CNOT3: variants seen among roughly 807,000 people sequenced by gnomAD.
CNOT3 encodes the protein CCR4-associated factor 3.
CNOT3 carries 2 observed loss-of-function variants against 89.4 expected under a neutral mutation model. The ratio of observed to expected loss-of-function variants is 0.02; its 90% CI spans 0.01 to 0.07. CNOT3 has a LOEUF of 0.07. Among genes scored for constraint, CNOT3 ranks in the 10% least tolerant of loss-of-function variants. CNOT3 has a pLI of 1.00. For synonymous variants in CNOT3, 486 were observed against 402.0 expected, an observed-to-expected ratio of 1.21 and a Z score of -2.50; for missense variants, 664 against 1,010.2, an observed-to-expected ratio of 0.66 and a Z score of 4.65.
chr19:54,143,654 C>G lies in CNOT3; in HGVS notation c.169-6C>G, dbSNP rs778034331. The G allele has an allele frequency of 9.9e-6, 16 of 1,613,668 alleles. No homozygotes were observed. In the South Asian group the frequency reaches 1.6e-4, roughly 17 times the overall value. On this transcript the variant is annotated splice_region_variant and splice_polypyrimidine_tract_variant and intron_variant, in intron 4 of 17. Coordinates refer to ENST00000221232, the MANE Select transcript of CNOT3 (RefSeq NM_014516.4). The stretch of plus-strand genomic sequence containing the variant: ...GGTCTGACTTTCTTGCTTTTCCCAT[C>G]TGCAGCGGCTGAGGGACCAAATCAA...
intron 1 of CNOT3, among the ~76,000 whole-genome samples, chr19:54,140,015 T>C (rs1275143808): frequency 6.6e-6 from 1 of 152,144 alleles, no homozygotes; most frequent in Non-Finnish European, 1.5e-5. Context: ...GCGGAAGCTC[T>C]CCCAGATCAA....
intron 17 of CNOT3, 86 bp downstream of exon 17, chr19:54,153,926 C>T: frequency 6.4e-7 from 1 of 1,551,780 alleles, no homozygotes; most frequent in Non-Finnish European, 8.9e-7. Context: ...CCTCTGCTCC[C>T]TTGCCTCCAC....
At chr19:54,142,795 G>T (rs1451299604) in intron 1 of CNOT3, 134 bp from the exon 2 acceptor site, 4 of 653,338 alleles carry the variant, frequency 6.1e-6, no homozygotes, top group African/African-American at 5.4e-5. Context: ...AACTGGGGCT[G>T]GTCTCTTGTC....
Position 54,155,640 on chromosome 19 carries a change from T to A in CNOT3, c.*233T>A, listed in dbSNP as rs2075363187. On this transcript the variant is annotated 3_prime_UTR_variant, in exon 18 of 18. Coordinates refer to ENST00000221232, the MANE Select transcript of CNOT3 (RefSeq NM_014516.4). The stretch of plus-strand genomic sequence containing the variant: ...GAGGGACATTTTTTGGTAAACCTAT[T>A]TTCATTTTGGAAAATATTTATGAAT... 3 of 1,375,666 alleles carry A rather than the reference T, an allele frequency of 2.2e-6. No homozygotes were observed. The allele number at this position is 1,375,666 out of a possible 1,614,324, so 85.2% of individuals were successfully genotyped here. A position where few individuals can be genotyped will look rare whatever the true frequency, so the allele number is the denominator to read the frequency against.
In CNOT3 at chr19:54,146,454, A is replaced by G. The variant is rs587653373; in HGVS notation, c.838-147A>G. On this transcript the variant is annotated intron_variant, in intron 9 of 17. Coordinates refer to ENST00000221232, the MANE Select transcript of CNOT3 (RefSeq NM_014516.4). ...GAGCCTGAATTGAGATGGTTTCTCC[A>G]GGCAGATTAAGGACAGCCATTTGAC... 2.7e-5 allele frequency: 19 copies of G among 692,500 alleles called. No individual in the cohort carries two copies. In the African/African-American group the frequency reaches 2.8e-4, roughly 10 times the overall value. 42.9% of individuals were successfully genotyped at this position (692,500 alleles called of 1,614,324 possible). A position where few individuals can be genotyped will look rare whatever the true frequency, so the allele number is the denominator to read the frequency against.
intron 12 of CNOT3, 26 bp from the exon 13 acceptor site, chr19:54,149,534 C>T (rs373336205): frequency 3.4e-6 from 5 of 1,485,382 alleles, no homozygotes; most frequent in African/African-American, 2.8e-5. Flanking sequence ...CTCCTCTCAA[C>T]CCCCTCTTCC....
At position 54,145,644 on chromosome 19, in the gene CNOT3, G is replaced by A. The variant is rs2074634785; in HGVS notation, c.530G>A (p.Arg177His). The A allele has an allele frequency of 1.2e-6, 2 of 1,613,836 alleles. No individual in the cohort carries two copies. The highest frequency in any genetic ancestry group is 1.7e-6 in the Non-Finnish European group (2 of 1,179,840). The part of the protein sequence containing the change: ...EGLKRHIEKH[R>H]YHVRMLETIL... ...TTGAAGCGGCACATCGAGAAGCACCGCTACCACGTGCGCATGCTAGAGACC... is the reference window on the plus strand; with the variant it reads ...TTGAAGCGGCACATCGAGAAGCACCACTACCACGTGCGCATGCTAGAGACC... The change falls in exon 8 of 18, where the codon CGC becomes CAC. Residue 177 changes from arginine to histidine, a missense_variant. This residue lies in a region of CNOT3 where 37 missense variants were observed against 79.5 expected (regional missense o/e 0.47). Transcript: ENST00000221232. The surrounding 1 kb of genome is among the most constrained non-coding windows in gnomAD (Gnocchi z 5.9).
chr19:54,141,010 A>G (rs1208178555), intron 1 of CNOT3, among the ~76,000 whole-genome samples: 1 of 152,158 alleles, frequency 6.6e-6, no homozygotes, highest in Non-Finnish European at 1.5e-5. Flanking sequence ...CTTGGGATGG[A>G]AAGAGGGAGT....
chr19:54,143,629 G>C (rs2074546502), intron 4 of CNOT3, 31 bp from the exon 5 acceptor site: 1 of 1,612,108 alleles, frequency 6.2e-7, no homozygotes, highest in South Asian at 1.1e-5. Context: ...TGGGTCCTGA[G>C]GTCTGACTTT....
chr19:54,143,360 C>T (rs587714364), intron 3 of CNOT3, 82 bp from the exon 4 acceptor site: 1 of 1,459,974 alleles, frequency 6.8e-7, no homozygotes. Context: ...GTCCTCGAGT[C>T]CCTAGCATAA....
In CNOT3 at chr19:54,152,951, C is replaced by T; in HGVS notation, c.1989C>T (p.Tyr663=). 6.2e-7 allele frequency: 1 copy of T among 1,609,458 alleles called. No individual in the cohort carries two copies. The highest frequency in any genetic ancestry group is 8.5e-7 in the Non-Finnish European group (1 of 1,176,612). The change falls in exon 16 of 18, where the codon TAC becomes TAT. Residue 663 remains tyrosine (Y), a synonymous_variant. Coordinates refer to ENST00000221232, the MANE Select transcript of CNOT3 (RefSeq NM_014516.4). ...CACACTCGGACACTGTGGAATTCTA[C>T]CAGCGCCTGTCGACCGAGACACTCT... ...PPPHSDTVEF[Y]QRLSTETLFF...
At chr19:54,140,760 C>T (rs587613615) in intron 1 of CNOT3, among the ~76,000 whole-genome samples, 2 of 152,192 alleles carry the variant, frequency 1.3e-5, no homozygotes, top group African/African-American at 4.8e-5. Flanking sequence ...CCTGGGTTAG[C>T]GCTCTTGTTC....
chr19:54,138,502 C>T (rs1393106214), intron 1 of CNOT3, among the ~76,000 whole-genome samples: 5 of 150,218 alleles, frequency 3.3e-5, no homozygotes, highest in Non-Finnish European at 7.4e-5. Flanking sequence ...TCGACGGTGG[C>T]GGGGAGGGGG....
At chr19:54,154,295 G>T (rs981725638) in intron 17 of CNOT3, 23 of 319,406 alleles carry the variant, frequency 7.2e-5, no homozygotes, top group Non-Finnish European at 1.3e-4. Context: ...GGCTTCTCAA[G>T]TTCTAATACT....
At position 54,152,582 on chromosome 19, in the gene CNOT3, C is replaced by T. The variant is rs587633586; in HGVS notation, c.1860C>T (p.Ala620=). ...TCTATCAGCAGGCCATGGAAGAGGC[C>T]GCCTGGCACCACATGCCTCACCCCT... The part of the protein sequence containing the change: ...EQLYQQAMEE[A]AWHHMPHPSD... The change falls in exon 15 of 18, where the codon GCC becomes GCT. Residue 620 remains alanine (A), a synonymous_variant. Coordinates refer to ENST00000221232, the MANE Select transcript of CNOT3 (RefSeq NM_014516.4). 30 of 1,613,920 alleles carry T rather than the reference C, an allele frequency of 1.9e-5. No homozygotes were observed. In the East Asian group the frequency reaches 2.5e-4, roughly 13 times the overall value.
chr19:54,149,491 C>T, intron 12 of CNOT3, 69 bp from the exon 13 acceptor site: 1 of 982,620 alleles, frequency 1.0e-6, no homozygotes. Context: ...TCTCTCCAGC[C>T]AGGCCTCTCT....
Position 54,148,499 on chromosome 19 carries a change from G to T in CNOT3, c.1246G>T (p.Ala416Ser). 1.3e-6 allele frequency: 2 copies of T among 1,559,960 alleles called. No homozygotes were observed. Among genetic ancestry groups the T allele is most frequent in the African/African-American group, 2.7e-5 (2 of 74,158 alleles). Residue 416 changes from alanine (A) to serine (S), a missense_variant, in exon 11 of 18, where the codon GCC becomes TCC. Transcript: ENST00000221232. The surrounding 1 kb of genome is among the most constrained non-coding windows in gnomAD (Gnocchi z 6.3). ...GGSSSSSNSSAGGGAGKQNGA... is the reference protein window; with the variant it reads ...GGSSSSSNSSSGGGAGKQNGA... ...GAGCAGCAGCAGTAGTAACAGCAGT[G>T]CCGGTGGAGGGGCTGGCAAGCAGAA...
Position 54,148,201 on chromosome 19 carries a change from C to T in CNOT3, c.948C>T (p.Ser316=). Residue 316 remains serine (S), a synonymous_variant, in exon 11 of 18, where the codon TCC becomes TCT. Transcript: ENST00000221232. The surrounding 1 kb of genome is among the most constrained non-coding windows in gnomAD (Gnocchi z 6.3). The stretch of plus-strand genomic sequence containing the variant: ...TCCACAGCAACCAGCACCCTCAGTC[C>T]CCAGCTGTGCCGCCCACCTACCCCT... The part of the protein sequence containing the change: ...KPVHSNQHPQ[S]PAVPPTYPSG... 1 of 1,582,486 alleles carries T rather than the reference C, an allele frequency of 6.3e-7. No individual in the cohort carries two copies. Among genetic ancestry groups the T allele is most frequent in the Non-Finnish European group, 8.6e-7 (1 of 1,164,806 alleles).
chr19:54,152,262 G>A lies in CNOT3; in HGVS notation c.1642G>A (p.Glu548Lys). The A allele has an allele frequency of 6.2e-7, 1 of 1,614,212 alleles. No individual in the cohort carries two copies. The highest frequency in any genetic ancestry group is 8.5e-7 in the Non-Finnish European group (1 of 1,180,026). ...TCTGAGCTCCTTGAAGTCCATGGCG[G>A]AACGGGCAGCCATCAGCTCTGGCAT... ...EPLSSLKSMA[E>K]RAAISSGIED... is the part of the protein sequence containing the mutation. Residue 548 changes from glutamate (E) to lysine (K), a missense_variant, in exon 14 of 18, where the codon GAA (glutamate) becomes AAA (lysine). This residue lies in a region of CNOT3 where 545 missense variants were observed against 566.2 expected (regional missense o/e 0.96). Coordinates refer to ENST00000221232, the MANE Select transcript of CNOT3 (RefSeq NM_014516.4).
Sources: gnomAD v4.1 joint callset for allele counts (sites outside exome capture counted in the v4.1 genomes callset) on GRCh38, gnomAD v4.1.1 for gene constraint, gnomAD v4.1.1 regional missense constraint, Gnocchi (gnomAD v3.1) non-coding constraint, MANE v1.5 for transcripts, NCBI Gene and HGNC (gene_info 2026-07-23, HGNC 2026-07-21) for gene names.